Variants in GABRB1 observed in about 807,000 individuals in gnomAD.
GABRB1 encodes the protein gamma-aminobutyric acid receptor subunit beta-1.
GABRB1 carries 17 observed loss-of-function variants against 51.6 expected under a neutral mutation model. The observed-to-expected ratio is 0.33, with a 90% CI of 0.23 to 0.49. The LOEUF (loss-of-function observed/expected upper bound fraction) is 0.49, where lower values mean the gene tolerates loss of function less well. Ranked by LOEUF, GABRB1 falls within the 20% of genes least tolerant of loss-of-function variation. The probability of loss-of-function intolerance (pLI) is 0.99; values close to 1 mark genes in which losing one functional copy is unlikely to be tolerated. For missense variants in GABRB1, 410 were observed against 600.6 expected (o/e 0.68, Z 3.32); for synonymous variants, 247 against 218.9 (o/e 1.13, Z -1.14).
At chr4:47,233,494 G>A (rs1721219798) in intron 4 of GABRB1, among the ~76,000 whole-genome samples, 1 of 151,762 alleles carries the variant, frequency 6.6e-6, no homozygotes, top group African/African-American at 2.4e-5. Context: ...AGCCTTTTTG[G>A]GATTCTACAT....
At chr4:47,147,445 T>C (rs1441519079) in intron 3 of GABRB1, among the ~76,000 whole-genome samples, 3 of 152,146 alleles carry the variant, frequency 2.0e-5, no homozygotes, top group African/African-American at 4.8e-5. Context: ...TATTGACTTA[T>C]TCAGCAAATA....
intron 4 of GABRB1, among the ~76,000 whole-genome samples, chr4:47,257,831 G>A (rs1446321670): frequency 6.6e-6 from 1 of 151,804 alleles, no homozygotes; most frequent in Non-Finnish European, 1.5e-5. Flanking sequence ...ACAGTCTACA[G>A]TCCTACCATT....
At chr4:47,265,762 G>A (rs1722620821) in intron 4 of GABRB1, among the ~76,000 whole-genome samples, 1 of 152,068 alleles carries the variant, frequency 6.6e-6, no homozygotes, top group South Asian at 2.1e-4. Flanking sequence ...GTCTGCTCAT[G>A]TCCTTTGCTC....
At chr4:47,258,281 G>A (rs1158070721) in intron 4 of GABRB1, among the ~76,000 whole-genome samples, 2 of 152,078 alleles carry the variant, frequency 1.3e-5, no homozygotes, top group Non-Finnish European at 2.9e-5. Context: ...TCAGAGTTCA[G>A]AAAAGGGTAC....
At chr4:47,053,572 G>C (rs1726455505) in intron 3 of GABRB1, among the ~76,000 whole-genome samples, 1 of 152,196 alleles carries the variant, frequency 6.6e-6, no homozygotes, top group South Asian at 2.1e-4. Context: ...TGAATTTTGA[G>C]AGAACATAAA....
intron 3 of GABRB1, among the ~76,000 whole-genome samples, chr4:47,107,663 C>T (rs373821578): frequency 2.0e-5 from 3 of 152,052 alleles, no homozygotes; most frequent in South Asian, 2.1e-4. Flanking sequence ...CATATATGAA[C>T]GTATGTTAAG....
chr4:47,242,972 C>T (rs1721588407), intron 4 of GABRB1, among the ~76,000 whole-genome samples: 1 of 152,164 alleles, frequency 6.6e-6, no homozygotes, highest in Non-Finnish European at 1.5e-5. Context: ...TTGCCTATGT[C>T]CTGAATGGTA....
intron 4 of GABRB1, among the ~76,000 whole-genome samples, chr4:47,175,223 C>G (rs1175813781): frequency 1.4e-5 from 2 of 143,394 alleles, no homozygotes; most frequent in African/African-American, 2.6e-5. Flanking sequence ...TCTCTTTCTT[C>G]TCTTTCTTCT....
At chr4:46,995,006 G>A (rs772249787) in intron 1 of GABRB1, among the ~76,000 whole-genome samples, 1 of 152,156 alleles carries the variant, frequency 6.6e-6, no homozygotes, top group South Asian at 2.1e-4. Context: ...TCTGTATTCT[G>A]TACTGCTTTC....
chr4:47,111,175 T>C (rs1236591051), intron 3 of GABRB1, among the ~76,000 whole-genome samples: 1 of 152,178 alleles, frequency 6.6e-6, no homozygotes, highest in Non-Finnish European at 1.5e-5. Context: ...TTTTGACAAG[T>C]CATTTTATAG....
At chr4:47,305,877 A>T (rs547219526) in intron 4 of GABRB1, among the ~76,000 whole-genome samples, 1 of 152,296 alleles carries the variant, frequency 6.6e-6, no homozygotes, top group East Asian at 1.9e-4. Context: ...AACATTTAAA[A>T]TAAGAGTGTA....
At chr4:47,001,628 T>G (rs1359898368) in intron 1 of GABRB1, among the ~76,000 whole-genome samples, 1 of 152,208 alleles carries the variant, frequency 6.6e-6, no homozygotes, top group East Asian at 1.9e-4. Flanking sequence ...GGACTTCAGA[T>G]TTGATCTGCA....
chr4:47,367,401 A>G (rs2110015261), intron 5 of GABRB1, among the ~76,000 whole-genome samples: 1 of 152,338 alleles, frequency 6.6e-6, no homozygotes, highest in Middle Eastern at 3.4e-3. Context: ...ATTTATGGCT[A>G]AAGTCAAAGC....
chr4:47,030,288 T>G (rs1725247082), upstream of GABRB1, among the ~76,000 whole-genome samples: 3 of 152,172 alleles, frequency 2.0e-5, no homozygotes, highest in Admixed American at 6.5e-5. Context: ...ATTATTGTAA[T>G]GGAATAAATT....
chr4:47,258,924 T>C (rs1722320200), intron 4 of GABRB1, among the ~76,000 whole-genome samples: 1 of 152,146 alleles, frequency 6.6e-6, no homozygotes, highest in Non-Finnish European at 1.5e-5. Flanking sequence ...ACAGAAACTA[T>C]TGATAAAATT....
intron 5 of GABRB1, among the ~76,000 whole-genome samples, chr4:47,382,539 T>C (rs750724468): frequency 2.0e-5 from 3 of 152,184 alleles, no homozygotes; most frequent in Non-Finnish European, 4.4e-5. Flanking sequence ...TTCCTGTAAG[T>C]CAGGTAGCAC....
At chr4:47,128,307 C>A (rs1468468120) in intron 3 of GABRB1, among the ~76,000 whole-genome samples, 1 of 151,836 alleles carries the variant, frequency 6.6e-6, no homozygotes, top group Non-Finnish European at 1.5e-5. Flanking sequence ...TTCTCATCAA[C>A]TATCTGCGAG....
At chr4:47,191,130 A>G (rs2109783491) in intron 4 of GABRB1, among the ~76,000 whole-genome samples, 1 of 152,272 alleles carries the variant, frequency 6.6e-6, no homozygotes, top group Admixed American at 6.5e-5. Flanking sequence ...TGATCAGCAG[A>G]TCAGAGAATC....
intron 3 of GABRB1, among the ~76,000 whole-genome samples, chr4:47,077,979 A>AATATATTATATATATTATATATATATTTT (rs1727646879): frequency 5.3e-5 from 2 of 37,876 alleles, no homozygotes; most frequent in African/African-American, 2.5e-4. Context: ...TTTTATATAT[A>AATATATTATATATATTATATATATATTTT]ATATATAATA....
Sources: gnomAD v4.1 joint callset for allele counts (sites outside exome capture counted in the v4.1 genomes callset) on GRCh38, gnomAD v4.1.1 for gene constraint, MANE v1.5 for transcripts, NCBI Gene and HGNC (gene_info 2026-07-23, HGNC 2026-07-21) for gene names.